LARP1B: variants seen among roughly 807,000 people sequenced by gnomAD.
LARP1B encodes the protein La ribonucleoprotein 1B, also known as la-related protein 1B.
LARP1B carries 76 observed loss-of-function variants against 114.2 expected under a neutral mutation model. The observed-to-expected ratio is 0.67, with a 90% confidence interval of 0.55 to 0.81. The LOEUF (loss-of-function observed/expected upper bound fraction) is 0.81, where lower values mean the gene tolerates loss of function less well. Among genes scored for constraint, LARP1B ranks in the 30% least tolerant of loss-of-function variants. The pLI is 0.00. For missense variants in LARP1B, 1,014 were observed against 1,075.8 expected (o/e 0.94, Z 0.80); for synonymous variants, 345 against 348.0 (o/e 0.99, Z 0.10).
At chr4:128,119,964 C>T (rs1431248553) in intron 10 of LARP1B, among the ~76,000 whole-genome samples, 1 of 152,108 alleles carries the variant, frequency 6.6e-6, no homozygotes, top group Non-Finnish European at 1.5e-5. Context: ...TTTGTTTATT[C>T]TCTTAGACTT....
chr4:128,213,133 G>C (rs956497163), downstream of LARP1B, among the ~76,000 whole-genome samples: 1 of 151,960 alleles, frequency 6.6e-6, no homozygotes, highest in Non-Finnish European at 1.5e-5. Context: ...GGCTAGGCTG[G>C]TCTCGAACTA....
chr4:128,083,591 TCC>T (rs1388817216), intron 5 of LARP1B, among the ~76,000 whole-genome samples: 1 of 125,264 alleles, frequency 8.0e-6, no homozygotes, highest in African/African-American at 3.1e-5. Flanking sequence ...CCCACCTCCC[TCC>T]CAGACGGGGC....
chr4:128,090,888 T>TA (rs1367234962), intron 5 of LARP1B, 113 bp from the exon 6 acceptor site: 15 of 722,692 alleles, frequency 2.1e-5, no homozygotes, highest in Non-Finnish European at 3.1e-5. Flanking sequence ...AATGCCTGGC[T>TA]ACTGTTCATT....
chr4:128,213,845 T>G (rs1204196099), downstream of LARP1B, among the ~76,000 whole-genome samples: 4 of 151,952 alleles, frequency 2.6e-5, no homozygotes, highest in East Asian at 7.8e-4. Context: ...GCTCCCAGCG[T>G]GAGCGACGCA....
intron 4 of LARP1B, among the ~76,000 whole-genome samples, chr4:128,079,395 G>A (rs560494047): frequency 4.2e-4 from 63 of 150,852 alleles, no homozygotes; most frequent in South Asian, 1.7e-3. Flanking sequence ...GGGCCTGGCC[G>A]AATAGTTTGT....
At chr4:128,162,794 A>G (rs1739066357) in intron 12 of LARP1B, among the ~76,000 whole-genome samples, 1 of 152,158 alleles carries the variant, frequency 6.6e-6, no homozygotes, top group South Asian at 2.1e-4. Flanking sequence ...ATAAAAAGTC[A>G]CACATATACA....
chr4:128,065,293 C>CTTTCTT, intron 1 of LARP1B, among the ~76,000 whole-genome samples: 1 of 136,270 alleles, frequency 7.3e-6, no homozygotes, highest in African/African-American at 2.9e-5. Flanking sequence ...TTCTTTCTTT[C>CTTTCTT]TTTCTTTCTT....
At chr4:128,174,260 T>C (rs1299774647) in intron 12 of LARP1B, among the ~76,000 whole-genome samples, 3 of 152,082 alleles carry the variant, frequency 2.0e-5, no homozygotes, top group Non-Finnish European at 4.4e-5. Context: ...CAGAAGGAAG[T>C]TATAATATCT....
intron 1 of LARP1B, among the ~76,000 whole-genome samples, chr4:128,067,703 A>G (rs2149311213): frequency 7.5e-6 from 1 of 133,268 alleles, no homozygotes; most frequent in South Asian, 2.7e-4. Flanking sequence ...TTTATTTTGG[A>G]TACCTCCTTT....
At chr4:128,138,217 TATC>T (rs1169870023) in intron 11 of LARP1B, among the ~76,000 whole-genome samples, 44 of 152,284 alleles carry the variant, frequency 2.9e-4, no homozygotes, top group Admixed American at 5.9e-4. Flanking sequence ...GAATTAAGCT[TATC>T]ATAACAAAAA....
In LARP1B at chr4:128,069,386, A is replaced by G. The variant is rs575344670; in HGVS notation, c.-77-5074A>G. On this transcript the variant is annotated intron_variant, in intron 1 of 19. Coordinates refer to ENST00000326639, the MANE Select transcript of LARP1B (RefSeq NM_018078.4). ...TAACACCATGATGGACAGGCTTGCC[A>G]TAAGTTGCACCCTTAGGAACTGGGT... 1.3e-4 allele frequency: 101 copies of G among 764,978 alleles called. No homozygotes were observed. In the East Asian group the frequency reaches 2.4e-3, roughly 18 times the overall value. The allele number at this position is 764,978 out of a possible 1,614,324, so 47.4% of individuals were successfully genotyped here.
intron 9 of LARP1B, among the ~76,000 whole-genome samples, chr4:128,113,356 T>C (rs575956011): frequency 6.7e-6 from 1 of 150,226 alleles, no homozygotes; most frequent in East Asian, 1.9e-4. Context: ...TTTTTCTTTT[T>C]TTTTTTTTTT....
intron 1 of LARP1B, among the ~76,000 whole-genome samples, chr4:128,073,951 G>GT (rs796080753): frequency 3.6e-4 from 54 of 149,046 alleles, no homozygotes; most frequent in African/African-American, 1.0e-3. Flanking sequence ...GTTTTTTTTT[G>GT]TTTTTTGTGG....
intron 17 of LARP1B, among the ~76,000 whole-genome samples, chr4:128,201,079 G>A (rs562901247): frequency 2.0e-5 from 3 of 152,294 alleles, no homozygotes; most frequent in African/African-American, 7.2e-5. Context: ...TTGGCAGGAG[G>A]CTTCAGTTCC....
intron 5 of LARP1B, among the ~76,000 whole-genome samples, chr4:128,089,131 G>A (rs975280894): frequency 6.6e-6 from 1 of 151,940 alleles, no homozygotes; most frequent in African/African-American, 2.4e-5. Flanking sequence ...GGAGTGAGTG[G>A]GTGCTACTGG....
intron 11 of LARP1B, among the ~76,000 whole-genome samples, chr4:128,136,896 C>T (rs1416137164): frequency 6.6e-6 from 1 of 152,122 alleles, no homozygotes; most frequent in African/African-American, 2.4e-5. Flanking sequence ...CACACTGCAC[C>T]TGGTCAAGCT....
At chr4:128,127,650 A>G (rs772880769) in intron 11 of LARP1B, among the ~76,000 whole-genome samples, 18 of 152,316 alleles carry the variant, frequency 1.2e-4, no homozygotes, top group Admixed American at 5.9e-4. Context: ...CCTGACCAAC[A>G]TGGTGAAACC....
chr4:128,175,994 G>A (rs1301810219), intron 12 of LARP1B, among the ~76,000 whole-genome samples: 3 of 150,822 alleles, frequency 2.0e-5, no homozygotes, highest in Admixed American at 1.3e-4. Context: ...ACTGTTCCTA[G>A]ATCTTTGAAA....
downstream of LARP1B, among the ~76,000 whole-genome samples, chr4:128,214,842 T>C (rs1759418543): frequency 5.6e-5 from 1 of 17,966 alleles, no homozygotes; most frequent in South Asian, 1.5e-3. Context: ...ATCAAATTAC[T>C]CTGAGCTACG....
Sources: allele counts gnomAD v4.1 joint callset (sites outside exome capture counted in the v4.1 genomes callset), GRCh38; gene constraint gnomAD v4.1.1; transcripts MANE v1.5; gene names NCBI Gene and HGNC (gene_info 2026-07-23, HGNC 2026-07-21).